Variants in EBF1 observed in about 807,000 individuals in gnomAD.
EBF1 encodes the protein transcription factor COE1.
In EBF1, 10 loss-of-function variants were observed where a neutral mutation model predicts 68.4. That is an observed-to-expected ratio of 0.15 (90% CI 0.09 to 0.25). The LOEUF (loss-of-function observed/expected upper bound fraction) is 0.25, where lower values mean the gene tolerates loss of function less well. Ranked by LOEUF, EBF1 falls within the 10% of genes least tolerant of loss-of-function variation. The probability of loss-of-function intolerance (pLI) is 1.00; values close to 1 mark genes in which losing one functional copy is unlikely to be tolerated. For missense variants in EBF1, 509 were observed against 794.4 expected, an observed-to-expected ratio of 0.64 and a Z score of 4.32; for synonymous variants, 298 against 299.8, an observed-to-expected ratio of 0.99 and a Z score of 0.06.
chr5:158,873,150 T>C (rs143659298), intron 6 of EBF1, among the ~76,000 whole-genome samples: 3 of 152,150 alleles, frequency 2.0e-5, no homozygotes, highest in African/African-American at 7.2e-5. Context: ...TCCTGTGCCA[T>C]TAGAAATGAT....
chr5:158,840,183 C>A (rs753292725), intron 6 of EBF1, 73 bp from the exon 7 acceptor site: 28 of 1,134,510 alleles, frequency 2.5e-5, no homozygotes, highest in Non-Finnish European at 3.6e-5. Context: ...GTAAGTCACC[C>A]CTGGGTTGTG....
intron 6 of EBF1, among the ~76,000 whole-genome samples, chr5:159,056,767 A>G (rs895515461): frequency 9.2e-5 from 14 of 152,218 alleles, no homozygotes; most frequent in African/African-American, 3.1e-4. Flanking sequence ...TTTTATTAAG[A>G]CTTACTTTGA....
At chr5:158,996,375 A>G (rs1314506359) in intron 6 of EBF1, among the ~76,000 whole-genome samples, 1 of 152,224 alleles carries the variant, frequency 6.6e-6, no homozygotes, top group Non-Finnish European at 1.5e-5. Flanking sequence ...GAAATTTTTA[A>G]CTAACTCTCA....
At position 158,883,363 on chromosome 5, in the gene EBF1, C is replaced by CATACATGTATATATAT. The variant is rs1383078746; in HGVS notation, c.555-43254_555-43253insATATATATACATGTAT. 4.6e-3 allele frequency among the ~76,000 whole-genome samples: 683 copies of CATACATGTATATATAT among 150,042 alleles called. 5 individuals are homozygous for CATACATGTATATATAT. The highest frequency in any genetic ancestry group is 0.014 in the Middle Eastern group (4 of 286). ...ATACATGCATGTATATATATATATA[C>CATACATGTATATATAT]ACATACATACATGTATATATATACA... On this transcript the variant is annotated intron_variant, in intron 6 of 15. Coordinates refer to ENST00000313708, the MANE Select transcript of EBF1 (RefSeq NM_024007.5).
intron 4 of EBF1, among the ~76,000 whole-genome samples, chr5:159,092,321 C>T (rs1163672519): frequency 6.6e-6 from 1 of 152,218 alleles, no homozygotes; most frequent in African/African-American, 2.4e-5. Flanking sequence ...TTCCCAAAAG[C>T]AAGCCTCTTA....
intron 6 of EBF1, among the ~76,000 whole-genome samples, chr5:158,915,128 G>A (rs889180419): frequency 2.0e-5 from 3 of 152,078 alleles, no homozygotes; most frequent in Non-Finnish European, 4.4e-5. Context: ...AGGCTCTACC[G>A]GAGTATTATC....
At chr5:159,042,884 A>G (rs2127781875) in intron 6 of EBF1, among the ~76,000 whole-genome samples, 1 of 151,978 alleles carries the variant, frequency 6.6e-6, no homozygotes, top group East Asian at 1.9e-4. Flanking sequence ...TAAAAAAGTT[A>G]AATAGGATGT....
At chr5:158,758,550 TA>T (rs1222868600) in intron 10 of EBF1, among the ~76,000 whole-genome samples, 1 of 152,142 alleles carries the variant, frequency 6.6e-6, no homozygotes, top group African/African-American at 2.4e-5. Flanking sequence ...ATGACTTTTT[TA>T]AAAAAACATA....
At position 158,708,178 on chromosome 5, in the gene EBF1, G is replaced by A. The variant is rs551975819; in HGVS notation, c.1550-5C>T. 8.3e-6 allele frequency: 13 copies of A among 1,570,790 alleles called. No individual in the cohort carries two copies. Among genetic ancestry groups the A allele is most frequent in the African/African-American group, 8.1e-5 (6 of 74,220 alleles). On this transcript the variant is annotated splice_region_variant and splice_polypyrimidine_tract_variant and intron_variant, in intron 14 of 15. Transcript: ENST00000313708. Reference sequence around the variant, plus strand: ...TGGTGGGGCTGGATGGCACTACTGAGAGGGGCAATGAGAAAGGAGAAATCA... The same window carrying A: ...TGGTGGGGCTGGATGGCACTACTGAAAGGGGCAATGAGAAAGGAGAAATCA...
chr5:158,749,613 T>C (rs1409431737), intron 10 of EBF1, among the ~76,000 whole-genome samples: 1 of 152,116 alleles, frequency 6.6e-6, no homozygotes, highest in Admixed American at 6.6e-5. Flanking sequence ...CTCCTAGCAA[T>C]GCCATTAGTT....
intron 6 of EBF1, among the ~76,000 whole-genome samples, chr5:159,019,962 A>T (rs1274024773): frequency 6.6e-6 from 1 of 152,132 alleles, no homozygotes; most frequent in East Asian, 1.9e-4. Flanking sequence ...GATAAAAAAG[A>T]ACCCCTAGGA....
At position 158,796,500 on chromosome 5, in the gene EBF1, GAGA is replaced by G. The variant is rs754993924; in HGVS notation, c.779-28_779-26del. Reference sequence around the variant, plus strand: ...GCTGCTTTTCAACACACATGAAAAAGAGAAGGAGTCTGCTGTTAGAACCAAACT... The same window carrying G: ...GCTGCTTTTCAACACACATGAAAAAGAGGAGTCTGCTGTTAGAACCAAACT... On this transcript the variant is annotated intron_variant, in intron 8 of 15. Transcript: ENST00000313708. The G allele has an allele frequency of 1.9e-6, 3 of 1,603,126 alleles. No individual in the cohort carries two copies. In the South Asian group the frequency reaches 3.4e-5, roughly 18 times the overall value.
At chr5:158,854,254 A>C (rs1227876590) in intron 6 of EBF1, among the ~76,000 whole-genome samples, 1 of 152,216 alleles carries the variant, frequency 6.6e-6, no homozygotes, top group Non-Finnish European at 1.5e-5. Context: ...AAATAAAAAC[A>C]ATAACAAAAC....
chr5:158,815,586 T>C (rs1396246138), intron 8 of EBF1, among the ~76,000 whole-genome samples: 1 of 152,206 alleles, frequency 6.6e-6, no homozygotes, highest in Non-Finnish European at 1.5e-5. Context: ...GCCTGGTTAC[T>C]GTCAAGTATG....
At chr5:158,704,230 C>T (rs1757367871) in intron 15 of EBF1, among the ~76,000 whole-genome samples, 1 of 152,150 alleles carries the variant, frequency 6.6e-6, no homozygotes, top group Non-Finnish European at 1.5e-5. Flanking sequence ...GCTGTGTTCA[C>T]CATTATCACC....
rs114952635 is a variant in EBF1 at position 158,768,150 on chromosome 5, C to A, written c.1036+9263G>T. ...TGGGGATGGCTGATAAATTTCAGATCCTGACCCCAAATAATCCAGGTGTAG... is the reference window on the plus strand; with the variant it reads ...TGGGGATGGCTGATAAATTTCAGATACTGACCCCAAATAATCCAGGTGTAG... On this transcript the variant is annotated intron_variant, in intron 10 of 15. Transcript: ENST00000313708. 5.7e-3 allele frequency among the ~76,000 whole-genome samples: 872 copies of A among 152,114 alleles called. 10 individuals carry two copies. Among genetic ancestry groups the A allele is most frequent in the African/African-American group, 0.02 (844 of 41,514 alleles).
chr5:159,096,574 C>T lies in EBF1; in HGVS notation c.292-168G>A, dbSNP rs745678168. The T allele has an allele frequency of 6.1e-4, 433 of 711,860 alleles. 1 individual carries two copies. Among genetic ancestry groups the T allele is most frequent in the Non-Finnish European group, 5.5e-4 (230 of 418,482 alleles). The allele number at this position is 711,860 out of a possible 1,614,324, so 44.1% of individuals were successfully genotyped here. A position where few individuals can be genotyped will look rare whatever the true frequency, so the allele number is the denominator to read the frequency against. ...GCCAATTGTGATCCCTCCTCCGCCCCCTGTTCCTGACTGCTCCCTCTCTCC... is the reference window on the plus strand; with the variant it reads ...GCCAATTGTGATCCCTCCTCCGCCCTCTGTTCCTGACTGCTCCCTCTCTCC... On this transcript the variant is annotated intron_variant, in intron 2 of 15. Coordinates refer to ENST00000313708, the MANE Select transcript of EBF1 (RefSeq NM_024007.5).
At chr5:158,942,727 T>C (rs988279361) in intron 6 of EBF1, among the ~76,000 whole-genome samples, 1 of 151,720 alleles carries the variant, frequency 6.6e-6, no homozygotes, top group Admixed American at 6.6e-5. Flanking sequence ...TAAGGAGAAA[T>C]GCTGGAATAG....
chr5:158,707,461 C>A, intron 15 of EBF1: 1 of 223,642 alleles, frequency 4.5e-6, no homozygotes, highest in Non-Finnish European at 8.9e-6. Context: ...CTATGATGAT[C>A]TAACTTCAGG....
Sources: allele counts gnomAD v4.1 joint callset (sites outside exome capture counted in the v4.1 genomes callset), GRCh38; gene constraint gnomAD v4.1.1; transcripts MANE v1.5; gene names NCBI Gene and HGNC (gene_info 2026-07-23, HGNC 2026-07-21).